Variants in MOB3B observed in about 807,000 individuals in gnomAD.
The protein encoded by MOB3B is MOB kinase activator-like 2B.
MOB3B carries 7 observed loss-of-function variants against 18.7 expected under a neutral mutation model. The ratio of observed to expected loss-of-function variants is 0.37; its 90% CI spans 0.21 to 0.70. The LOEUF is 0.70. MOB3B is among the 30% of genes least tolerant of loss of function. MOB3B has a pLI of 0.52. For synonymous variants in MOB3B, 111 were observed against 99.9 expected (o/e 1.11, Z -0.66); for missense variants, 253 against 281.3 (o/e 0.90, Z 0.72).
intron 1 of MOB3B, among the ~76,000 whole-genome samples, chr9:27,522,338 A>G (rs1000550340): frequency 6.7e-6 from 1 of 149,506 alleles, no homozygotes; most frequent in Non-Finnish European, 1.5e-5. Context: ...GTAAATAAAA[A>G]TATAAAAATA....
intron 1 of MOB3B, among the ~76,000 whole-genome samples, chr9:27,495,055 C>G (rs1372697513): frequency 6.6e-6 from 1 of 152,134 alleles, no homozygotes. Flanking sequence ...ATGGGCCAGG[C>G]AAGGTGGCTC....
At chr9:27,395,087 T>TG (rs1766864791) in intron 2 of MOB3B, among the ~76,000 whole-genome samples, 2 of 152,206 alleles carry the variant, frequency 1.3e-5, no homozygotes, top group South Asian at 4.1e-4. Context: ...GTACTTTGTT[T>TG]GGGGGGTGGA....
chr9:27,453,410 C>T (rs1213944581), intron 2 of MOB3B, among the ~76,000 whole-genome samples: 2 of 152,136 alleles, frequency 1.3e-5, no homozygotes, highest in African/African-American at 4.8e-5. Flanking sequence ...TAAGCACGTT[C>T]CCTAAGCATA....
chr9:27,368,349 T>TACACACACACACAC (rs747975520), intron 2 of MOB3B, among the ~76,000 whole-genome samples: 1 of 115,780 alleles, frequency 8.6e-6, no homozygotes, highest in African/African-American at 3.6e-5. Flanking sequence ...TACACACACA[T>TACACACACACACAC]ACATACACAC....
intron 2 of MOB3B, among the ~76,000 whole-genome samples, chr9:27,407,063 T>G (rs965306453): frequency 2.0e-5 from 3 of 152,100 alleles, no homozygotes; most frequent in Admixed American, 2.0e-4. Flanking sequence ...GGTCTTGAAC[T>G]CCTGACCTCG....
At chr9:27,391,765 T>C (rs930130738) in intron 2 of MOB3B, 3 of 152,204 alleles carry the variant, frequency 2.0e-5, no homozygotes, top group African/African-American at 7.2e-5. Flanking sequence ...GGAGGTATCA[T>C]ATGTTCAGTT....
At chr9:27,365,901 T>G (rs544205373) in intron 2 of MOB3B, among the ~76,000 whole-genome samples, 2 of 152,174 alleles carry the variant, frequency 1.3e-5, no homozygotes, top group Middle Eastern at 3.2e-3. Flanking sequence ...TGAGCTCAAG[T>G]TTTGGAGTGC....
At chr9:27,433,103 T>A (rs1343301531) in intron 2 of MOB3B, among the ~76,000 whole-genome samples, 1 of 152,080 alleles carries the variant, frequency 6.6e-6, no homozygotes, top group Non-Finnish European at 1.5e-5. Flanking sequence ...GCAGCATGAC[T>A]TTTTTTATTC....
intron 1 of MOB3B, 67 bp downstream of exon 1, chr9:27,529,488 C>A: frequency 1.1e-6 from 1 of 950,222 alleles, no homozygotes; most frequent in Non-Finnish European, 1.3e-6. Flanking sequence ...CCCGCCCGGG[C>A]GAGATCGGGA....
chr9:27,463,883 G>C (rs1819333796), intron 1 of MOB3B, among the ~76,000 whole-genome samples: 1 of 152,018 alleles, frequency 6.6e-6, no homozygotes, highest in Admixed American at 6.6e-5. Flanking sequence ...CTGAGCCTGG[G>C]GATGTCCAGA....
chr9:27,393,567 T>C (rs2131384719), intron 2 of MOB3B, among the ~76,000 whole-genome samples: 1 of 152,292 alleles, frequency 6.6e-6, no homozygotes, highest in Non-Finnish European at 1.5e-5. Context: ...GGAAGGCATA[T>C]AGATAAATAT....
intron 2 of MOB3B, among the ~76,000 whole-genome samples, chr9:27,380,268 T>A (rs1182959503): frequency 6.7e-6 from 1 of 150,228 alleles, no homozygotes; most frequent in Non-Finnish European, 1.5e-5. Flanking sequence ...TAGGATTTTT[T>A]TTTTTTTTTT....
intron 3 of MOB3B, among the ~76,000 whole-genome samples, chr9:27,339,057 C>A (rs1033795995): frequency 6.6e-6 from 1 of 152,232 alleles, no homozygotes; most frequent in South Asian, 2.1e-4. Context: ...AGTTAGGGAT[C>A]CCTGGGAACC....
chr9:27,365,603 T>A (rs1821332779), intron 2 of MOB3B, among the ~76,000 whole-genome samples: 1 of 152,182 alleles, frequency 6.6e-6, no homozygotes, highest in Admixed American at 6.5e-5. Flanking sequence ...TTACAAGATC[T>A]CTAAGTGATT....
rs959352822 is a variant in MOB3B, at chr9:27,488,435, T to A, written c.-198-32687A>T. On this transcript the variant is annotated intron_variant, in intron 1 of 3. Transcript: ENST00000262244. ...TTATTTATTTATTTTTGAGATGGTG[T>A]CTCGCTCTGTTGCCCAGGCTGGAGT... Among the ~76,000 whole-genome samples, 3 of 152,194 alleles carry A rather than the reference T, an allele frequency of 2.0e-5. No homozygotes were observed. In the South Asian group the frequency reaches 6.2e-4, roughly 31 times the overall value.
At chr9:27,361,534 T>C (rs566859689) in intron 2 of MOB3B, among the ~76,000 whole-genome samples, 1 of 152,348 alleles carries the variant, frequency 6.6e-6, no homozygotes, top group South Asian at 2.1e-4. Context: ...GTTAGCTTTC[T>C]CTGCCCAGGC....
chr9:27,422,712 A>C (rs7035016), intron 2 of MOB3B, among the ~76,000 whole-genome samples: 101,684 of 151,566 alleles, frequency 0.67, 34,595 homozygotes, highest in African/African-American at 0.73. Flanking sequence ...AGAGACAATC[A>C]TAGGTCTTGT....
chr9:27,328,262 G>C lies in MOB3B; in HGVS notation c.*2325C>G, dbSNP rs1443869483. 6.6e-6 allele frequency: 1 copy of C among 151,924 alleles called. No individual in the cohort carries two copies. Among genetic ancestry groups the C allele is most frequent in the Non-Finnish European group, 1.5e-5 (1 of 67,870 alleles). The allele number at this position is 151,924 out of a possible 1,614,324, so 9.4% of individuals were successfully genotyped here. ...GAGGGTTGTCAGTCTCTGACCCAGA[G>C]GGCTGAAGCTCCATTTATAACAGAG... On this transcript the variant is annotated 3_prime_UTR_variant, in exon 4 of 4. Transcript: ENST00000262244.
chr9:27,419,835 G>A lies in MOB3B; in HGVS notation c.418+35298C>T, dbSNP rs546285636. ...TAATTAAACTAAAGAGCTTTTGCACGAAAAAAGGAACAGTCAGCAGAGTAA... is the reference window on the plus strand; with the variant it reads ...TAATTAAACTAAAGAGCTTTTGCACAAAAAAAGGAACAGTCAGCAGAGTAA... On this transcript the variant is annotated intron_variant, in intron 2 of 3. Transcript: ENST00000262244. 8.5e-5 allele frequency among the ~76,000 whole-genome samples: 13 copies of A among 152,106 alleles called. No homozygotes were observed. The South Asian group carries it at 2.5e-3, about 29-fold the overall frequency.
Sources: gnomAD v4.1 joint callset for allele counts (sites outside exome capture counted in the v4.1 genomes callset) on GRCh38, gnomAD v4.1.1 for gene constraint, MANE v1.5 for transcripts, NCBI Gene and HGNC (gene_info 2026-07-23, HGNC 2026-07-21) for gene names.